The following SLAIN1 variants were observed in gnomAD, a reference collection of about 807,000 sequenced individuals.
The protein encoded by SLAIN1 is SLAIN motif-containing protein 1.
In SLAIN1, 17 loss-of-function variants were observed where a neutral mutation model predicts 55.4. The ratio of observed to expected loss-of-function variants is 0.31; its 90% CI spans 0.21 to 0.46. The LOEUF (loss-of-function observed/expected upper bound fraction) is 0.46, where lower values mean the gene tolerates loss of function less well. SLAIN1 is among the 20% of genes least tolerant of loss of function. The pLI, the probability that SLAIN1 is intolerant of heterozygous loss-of-function variation, is 1.00. For synonymous variants in SLAIN1, 348 were observed against 337.4 expected (o/e 1.03, Z -0.35); for missense variants, 682 against 785.1 (o/e 0.87, Z 1.57).
chr13:77,754,549 C>T (rs754477998), intron 5 of SLAIN1, among the ~76,000 whole-genome samples: 6 of 152,172 alleles, frequency 3.9e-5, no homozygotes, highest in Non-Finnish European at 8.8e-5. Flanking sequence ...TCTAGCTCCA[C>T]GTGCTGTTCT....
At chr13:77,739,973 A>G (rs3850053) in intron 2 of SLAIN1, among the ~76,000 whole-genome samples, 5,783 of 152,186 alleles carry the variant, frequency 0.038, 204 homozygotes, top group Admixed American at 0.072. Context: ...ATGAGGTATC[A>G]GTCTACAATT....
In SLAIN1 at chr13:77,744,218, A is replaced by G. The variant is rs544193767; in HGVS notation, c.767-65A>G. The G allele has an allele frequency of 2.6e-6, 3 of 1,164,488 alleles. No individual in the cohort carries two copies. In the South Asian group the frequency reaches 3.7e-5, roughly 14 times the overall value. The allele number at this position is 1,164,488 out of a possible 1,614,324, so 72.1% of individuals were successfully genotyped here. A position where few individuals can be genotyped will look rare whatever the true frequency, so the allele number is the denominator to read the frequency against. On this transcript the variant is annotated intron_variant, in intron 2 of 6. Transcript: ENST00000418532. ...CAAATTGCTGACTGTTTATATATGA[A>G]TTGTGAAGCATGTATAGATATCAGT... is the stretch of plus-strand genomic sequence containing the variant.
In SLAIN1 at chr13:77,719,607, C is replaced by G. The variant is rs1566226984; in HGVS notation, c.702C>G (p.Val234=). Residue 234 remains valine, a synonymous_variant, in exon 2 of 7, where the codon GTC becomes GTG. Coordinates refer to ENST00000418532, the MANE Select transcript of SLAIN1 (RefSeq NM_001242868.2). The stretch of plus-strand genomic sequence containing the variant: ...CTCCTTTGCAGTGGTGTAGACATGT[C>G]CTAGATAACCCAACTCCTGAGATGG... ...SLTPLQWCRH[V]LDNPTPEMEA... is the part of the protein sequence containing the mutation. 6 of 1,613,438 alleles carry G rather than the reference C, an allele frequency of 3.7e-6. No homozygotes were observed. Among genetic ancestry groups the G allele is most frequent in the Non-Finnish European group, 5.1e-6 (6 of 1,179,586 alleles).
In SLAIN1 at chr13:77,697,779, G is replaced by T. The variant is rs927846775; in HGVS notation, c.-135G>T. The T allele has an allele frequency of 1.6e-4, 158 of 958,974 alleles. No homozygotes were observed. The highest frequency in any genetic ancestry group is 1.9e-4 in the Non-Finnish European group (147 of 762,620). 59.4% of individuals were successfully genotyped at this position (958,974 alleles called of 1,614,324 possible). A position where few individuals can be genotyped will look rare whatever the true frequency, so the allele number is the denominator to read the frequency against. The stretch of plus-strand genomic sequence containing the variant: ...GGGCCCGGTGCTGATGCGAACCGCC[G>T]GCTCGGCCTCAGCCCGCGCGTGGTC... On this transcript the variant is annotated 5_prime_UTR_variant, in exon 1 of 7. Transcript: ENST00000418532.
intron 4 of SLAIN1, among the ~76,000 whole-genome samples, chr13:77,750,935 A>C (rs1481661063): frequency 6.6e-6 from 1 of 152,154 alleles, no homozygotes; most frequent in Non-Finnish European, 1.5e-5. Context: ...TTATCTAAGT[A>C]TACTTATTGT....
chr13:77,723,465 G>A (rs2091280184), intron 2 of SLAIN1, among the ~76,000 whole-genome samples: 1 of 152,130 alleles, frequency 6.6e-6, no homozygotes. Context: ...GGTAAATTTT[G>A]AGAACCTCCT....
chr13:77,758,838 A>G (rs1320273399), intron 5 of SLAIN1, among the ~76,000 whole-genome samples: 1 of 152,170 alleles, frequency 6.6e-6, no homozygotes, highest in African/African-American at 2.4e-5. Context: ...GCCTTGTAGT[A>G]TAATTTGAAG....
chr13:77,734,831 C>T (rs182053329), intron 2 of SLAIN1, among the ~76,000 whole-genome samples: 11 of 151,948 alleles, frequency 7.2e-5, no homozygotes, highest in Admixed American at 2.0e-4. Flanking sequence ...ACCAGCCTGA[C>T]CAATATGGTG....
intron 1 of SLAIN1, among the ~76,000 whole-genome samples, chr13:77,704,398 G>T (rs2091072387): frequency 1.6e-4 from 1 of 6,164 alleles, no homozygotes; most frequent in Non-Finnish European, 2.9e-4. Flanking sequence ...CATAGAAACT[G>T]TATATACAGA....
At position 77,698,921 on chromosome 13, in the gene SLAIN1, G is replaced by T. The variant is rs41315030; in HGVS notation, c.626+382G>T. ...CCCAGTGTTTTCGGAGGGATGACGG[G>T]GGATGGTAGGGGTTGGCCTCTGTCT... On this transcript the variant is annotated intron_variant, in intron 1 of 6. Coordinates refer to ENST00000418532, the MANE Select transcript of SLAIN1 (RefSeq NM_001242868.2). The surrounding 1 kb of genome is among the most constrained non-coding windows in gnomAD (Gnocchi z 4.1). 10 of 1,533,562 alleles carry T rather than the reference G, an allele frequency of 6.5e-6. No individual in the cohort carries two copies. The Admixed American group carries it at 1.4e-4, about 21-fold the overall frequency. 95.0% of individuals were successfully genotyped at this position (1,533,562 alleles called of 1,614,324 possible). A position where few individuals can be genotyped will look rare whatever the true frequency, so the allele number is the denominator to read the frequency against.
intron 2 of SLAIN1, among the ~76,000 whole-genome samples, chr13:77,722,540 C>T (rs2091271725): frequency 6.6e-6 from 1 of 152,044 alleles, no homozygotes; most frequent in South Asian, 2.1e-4. Context: ...GTTTATATGG[C>T]CATTGCTTTG....
chr13:77,719,804 T>A (rs1264097044), intron 2 of SLAIN1, 133 bp downstream of exon 2: 1 of 902,960 alleles, frequency 1.1e-6, no homozygotes, highest in Non-Finnish European at 1.7e-6. Context: ...GCAATTTGCT[T>A]CACATGTATT....
At chr13:77,761,206 G>A (rs1310624224) in intron 6 of SLAIN1, 96 bp downstream of exon 6, 3 of 1,200,858 alleles carry the variant, frequency 2.5e-6, no homozygotes, top group Non-Finnish European at 3.5e-6. Flanking sequence ...TTTAACCTTA[G>A]TAAGACACTA....
intron 2 of SLAIN1, among the ~76,000 whole-genome samples, chr13:77,735,884 T>G (rs1332290670): frequency 1.3e-5 from 2 of 152,030 alleles, no homozygotes; most frequent in Non-Finnish European, 2.9e-5. Flanking sequence ...AAATCTCCAG[T>G]GGAAGATTAT....
rs1371787582 is a variant in SLAIN1, at chr13:77,753,211, C to T, written c.1267C>T (p.Arg423Ter). Residue 423 changes from arginine (R) to a stop codon, truncating the protein, a stop_gained, in exon 5 of 7, where the codon CGA (arginine) becomes TGA (stop). Coordinates refer to ENST00000418532, the MANE Select transcript of SLAIN1 (RefSeq NM_001242868.2). LOFTEE classifies it high-confidence loss of function. ...GTAAAATTCTTTTCCAGATAAGCTCCGAAGAAGTATGCCTAACCTAGCCCG... is the reference window on the plus strand; with the variant it reads ...GTAAAATTCTTTTCCAGATAAGCTCTGAAGAAGTATGCCTAACCTAGCCCG... ...QPNRTNGDKL[R>*]RSMPNLARMP... 2.5e-6 allele frequency: 4 copies of T among 1,593,944 alleles called. No individual in the cohort carries two copies. The highest frequency in any genetic ancestry group is 3.4e-6 in the Non-Finnish European group (4 of 1,173,556).
intron 4 of SLAIN1, among the ~76,000 whole-genome samples, chr13:77,749,987 A>G (rs1340791834): frequency 6.6e-6 from 1 of 152,212 alleles, no homozygotes; most frequent in Non-Finnish European, 1.5e-5. Context: ...CGTGGTTTAG[A>G]GGAAAAAGCT....
At chr13:77,734,850 T>A (rs1394631092) in intron 2 of SLAIN1, among the ~76,000 whole-genome samples, 1 of 151,938 alleles carries the variant, frequency 6.6e-6, no homozygotes, top group Non-Finnish European at 1.5e-5. Flanking sequence ...TGAAACCCCC[T>A]CTCTACTAAA....
intron 4 of SLAIN1, among the ~76,000 whole-genome samples, chr13:77,747,201 C>T (rs1472373362): frequency 1.3e-5 from 2 of 152,008 alleles, no homozygotes; most frequent in Non-Finnish European, 1.5e-5. Context: ...CCTTAGCCTC[C>T]CAAAGTGCTG....
At chr13:77,740,685 A>G (rs541882741) in intron 2 of SLAIN1, among the ~76,000 whole-genome samples, 1 of 152,120 alleles carries the variant, frequency 6.6e-6, no homozygotes, top group Non-Finnish European at 1.5e-5. Context: ...CTCTTGAATC[A>G]TTTCACATCA....
Sources: allele counts gnomAD v4.1 joint callset (sites outside exome capture counted in the v4.1 genomes callset), GRCh38; gene constraint gnomAD v4.1.1; non-coding constraint Gnocchi (gnomAD v3.1); transcripts MANE v1.5; gene names NCBI Gene and HGNC (gene_info 2026-07-23, HGNC 2026-07-21).